PHETA1: variants seen among roughly 807,000 people sequenced by gnomAD.
The protein encoded by PHETA1 is sesquipedalian-1.
For missense variants in PHETA1, 348 were observed against 373.5 expected (o/e 0.93, Z 0.56); for synonymous variants, 155 against 168.9 (o/e 0.92, Z 0.64).
chr12:111,365,994 CCTCT>C, intron 2 of PHETA1, 115 bp downstream of exon 2: 1 of 172,326 alleles, frequency 5.8e-6, no homozygotes, highest in Admixed American at 5.8e-5. Context: ...TACAGCTGTC[CCTCT>C]CTAAGCCGCA....
At chr12:111,364,957 C>T (rs1188423173) in intron 2 of PHETA1, among the ~76,000 whole-genome samples, 6 of 152,122 alleles carry the variant, frequency 3.9e-5, no homozygotes, top group Non-Finnish European at 8.8e-5. Context: ...GGGAAAGATG[C>T]AGGCCCAGGG....
rs544643639 is a variant in PHETA1, at chr12:111,363,656, G to A, written c.-36-193C>T. ...GACAGGACTGGAACCTGGGTCTCAC[G>A]GGCCTCCCCAGACAGCCTCATAACC... On this transcript the variant is annotated intron_variant, in intron 2 of 2. Transcript: ENST00000683047. This position sits in a 1 kb window ranked among gnomAD's most constrained non-coding sequence, Gnocchi z 7.4. 9.8e-6 allele frequency: 15 copies of A among 1,534,012 alleles called. No homozygotes were observed. The highest frequency in any genetic ancestry group is 2.4e-5 in the South Asian group (2 of 83,212).
rs925270790 is a variant in PHETA1 at position 111,367,020 on chromosome 12, CAAAAAAAAAAA to C, written c.-181-774_-181-764del. Reference sequence around the variant, plus strand: ...GGGGTGACATAGTGAGATTCTGTCTCAAAAAAAAAAAAAAAAAAATCCAAGCCTCCCTTGGC... The same window carrying C: ...GGGGTGACATAGTGAGATTCTGTCTCAAAAAAAATCCAAGCCTCCCTTGGC... On this transcript the variant is annotated intron_variant, in intron 1 of 2. Transcript: ENST00000683047. The surrounding 1 kb of genome is among the most constrained non-coding windows in gnomAD (Gnocchi z 4.0). 5.5e-5 allele frequency among the ~76,000 whole-genome samples: 6 copies of C among 108,726 alleles called. No individual in the cohort carries two copies. Among genetic ancestry groups the C allele is most frequent in the Non-Finnish European group, 7.9e-5 (4 of 50,562 alleles). The allele number at this position is 108,726 out of a possible 152,430, so 71.3% of individuals were successfully genotyped here.
intron 1 of PHETA1, among the ~76,000 whole-genome samples, chr12:111,366,647 C>T (rs1417361871): frequency 6.6e-6 from 1 of 152,154 alleles, no homozygotes; most frequent in Admixed American, 6.5e-5. Context: ...AGATCCAAGC[C>T]TCCTTCCTAA....
chr12:111,366,493 C>G (rs1281489772), intron 1 of PHETA1, among the ~76,000 whole-genome samples: 1 of 152,136 alleles, frequency 6.6e-6, no homozygotes. Flanking sequence ...TCCAGTTGAT[C>G]CCCCTCTCCA....
At position 111,362,487 on chromosome 12, in the gene PHETA1, G is replaced by A. The variant is rs966678556; in HGVS notation, c.*191C>T. 1 of 1,401,342 alleles carries A rather than the reference G, an allele frequency of 7.1e-7. No individual in the cohort carries two copies. Among genetic ancestry groups the A allele is most frequent in the African/African-American group, 1.4e-5 (1 of 69,102 alleles). The allele number at this position is 1,401,342 out of a possible 1,614,324, so 86.8% of individuals were successfully genotyped here. On this transcript the variant is annotated 3_prime_UTR_variant, in exon 3 of 3. Coordinates refer to ENST00000683047, the MANE Select transcript of PHETA1 (RefSeq NM_144671.6). ...CAAGGGTAGGCCTTCTGGGTCACAT[G>A]GTCCTAAAGGCCCACTCAGAATCCA...
rs1869143376 is a variant in PHETA1, at chr12:111,368,184, AT to A, written c.-182+727del. On this transcript the variant is annotated intron_variant, in intron 1 of 2. Coordinates refer to ENST00000683047, the MANE Select transcript of PHETA1 (RefSeq NM_144671.6). This position sits in a 1 kb window ranked among gnomAD's most constrained non-coding sequence, Gnocchi z 5.0. ...TGAGTGAATTGACTCCTGAAGAGTCATTTTGCAAAATACTTGGTGGGTAGTG... is the reference window on the plus strand; with the variant it reads ...TGAGTGAATTGACTCCTGAAGAGTCATTTGCAAAATACTTGGTGGGTAGTG... 6.6e-6 allele frequency among the ~76,000 whole-genome samples: 1 copy of A among 152,180 alleles called. No individual in the cohort carries two copies. Among genetic ancestry groups the A allele is most frequent in the African/African-American group, 2.4e-5 (1 of 41,444 alleles).
Position 111,362,158 on chromosome 12 carries a change from CACAGAGCCAGG to C in PHETA1, c.*509_*519del, listed in dbSNP as rs1173240856. On this transcript the variant is annotated 3_prime_UTR_variant, in exon 3 of 3. Transcript: ENST00000683047. The stretch of plus-strand genomic sequence containing the variant: ...CGTCCTGCTCCTGGAGGCAGGCAGG[CACAGAGCCAGG>C]CCAGCTCCTCTGGCAGGTCCCGGAG... 2.6e-6 allele frequency: 1 copy of C among 377,464 alleles called. No homozygotes were observed. Among genetic ancestry groups the C allele is most frequent in the East Asian group, 7.2e-5 (1 of 13,794 alleles). 23.4% of individuals were successfully genotyped at this position (377,464 alleles called of 1,614,324 possible).
intron 2 of PHETA1, chr12:111,365,743 C>A: frequency 1.8e-5 from 5 of 271,990 alleles, no homozygotes; most frequent in Middle Eastern, 1.4e-3. Flanking sequence ...AGGGGCAGAA[C>A]ACATATCGGG....
In PHETA1 at chr12:111,367,989, T is replaced by G. The variant is rs1335504856; in HGVS notation, c.-182+923A>C. ...GTCGTTTCACCTTTCCAAGTCTCAG[T>G]GTCCTCATCTGTTAAATTGGGCTGT... is the stretch of plus-strand genomic sequence containing the variant. On this transcript the variant is annotated intron_variant, in intron 1 of 2. Transcript: ENST00000683047. This position sits in a 1 kb window ranked among gnomAD's most constrained non-coding sequence, Gnocchi z 4.0. 6.6e-6 allele frequency among the ~76,000 whole-genome samples: 1 copy of G among 152,216 alleles called. No homozygotes were observed. The highest frequency in any genetic ancestry group is 1.5e-5 in the Non-Finnish European group (1 of 68,040).
At position 111,362,935 on chromosome 12, in the gene PHETA1, C is replaced by T; in HGVS notation, c.493G>A (p.Ala165Thr). 3 of 1,481,100 alleles carry T rather than the reference C, an allele frequency of 2.0e-6. No homozygotes were observed. Among genetic ancestry groups the T allele is most frequent in the South Asian group, 2.7e-5 (2 of 75,306 alleles). The allele number at this position is 1,481,100 out of a possible 1,614,324, so 91.7% of individuals were successfully genotyped here. A position where few individuals can be genotyped will look rare whatever the true frequency, so the allele number is the denominator to read the frequency against. ...ALAPVPSLPS[A>T]PAPVPALPLP... The stretch of plus-strand genomic sequence containing the variant: ...GGCAGGGCTGGGACCGGGGCTGGGG[C>T]AGAAGGCAGGGATGGGACTGGGGCC... The change falls in exon 3 of 3, where the codon GCC becomes ACC. Residue 165 changes from alanine (A) to threonine (T), a missense_variant. By Grantham distance (58) the Ala-to-Thr change is moderately conservative (BLOSUM62 0). Transcript: ENST00000683047.
intron 2 of PHETA1, among the ~76,000 whole-genome samples, chr12:111,364,331 T>C (rs1344570194): frequency 7.0e-6 from 1 of 143,102 alleles, no homozygotes; most frequent in Non-Finnish European, 1.5e-5. Context: ...CGGGCAATAA[T>C]GTGACACTCT....
At position 111,362,792 on chromosome 12, in the gene PHETA1, G is replaced by C; in HGVS notation, c.636C>G (p.Ala212=). The C allele has an allele frequency of 3.2e-6, 5 of 1,539,462 alleles. No individual in the cohort carries two copies. The highest frequency in any genetic ancestry group is 4.4e-6 in the Non-Finnish European group (5 of 1,145,236). Residue 212 remains alanine, a synonymous_variant, in exon 3 of 3, where the codon GCC becomes GCG. Transcript: ENST00000683047. ...TGTCCAGGGGCCCGTGGGGTGCCGA[G>C]GCCCGGCGGCGAGGCGGTGGTGGAG... ...EPPPPPPRRR[A]SAPHGPLDMA... is the part of the protein sequence containing the mutation.
At position 111,368,121 on chromosome 12, in the gene PHETA1, T is replaced by G. The variant is rs1292940103; in HGVS notation, c.-182+791A>C. ...GTCGGAGTTTTTTCTCAGCCTCATC[T>G]GCAAAATGGTGACGTTAACTTCCAT... On this transcript the variant is annotated intron_variant, in intron 1 of 2. Transcript: ENST00000683047. The surrounding 1 kb of genome is among the most constrained non-coding windows in gnomAD (Gnocchi z 5.0). 2.0e-5 allele frequency among the ~76,000 whole-genome samples: 3 copies of G among 152,264 alleles called. No homozygotes were observed.
chr12:111,368,013 G>A lies in PHETA1; in HGVS notation c.-182+899C>T, dbSNP rs1029802370. Among the ~76,000 whole-genome samples the A allele has an allele frequency of 1.3e-5, 2 of 152,228 alleles. No individual in the cohort carries two copies. Among genetic ancestry groups the A allele is most frequent in the Non-Finnish European group, 2.9e-5 (2 of 68,040 alleles). The stretch of plus-strand genomic sequence containing the variant: ...GTGTCCTCATCTGTTAAATTGGGCT[G>A]TGTGGCGAGGGTTCATGAGCTAAAA... On this transcript the variant is annotated intron_variant, in intron 1 of 2. Coordinates refer to ENST00000683047, the MANE Select transcript of PHETA1 (RefSeq NM_144671.6). The surrounding 1 kb of genome is among the most constrained non-coding windows in gnomAD (Gnocchi z 5.0).
In PHETA1 at chr12:111,363,785, A is replaced by G; in HGVS notation, c.-36-322T>C. Reference sequence around the variant, plus strand: ...TATCTCACAATAGACCTTAGGTCACAGGGACTGGCCTGGCACCAGTGCAAC... The same window carrying G: ...TATCTCACAATAGACCTTAGGTCACGGGGACTGGCCTGGCACCAGTGCAAC... On this transcript the variant is annotated intron_variant, in intron 2 of 2. Coordinates refer to ENST00000683047, the MANE Select transcript of PHETA1 (RefSeq NM_144671.6). The surrounding 1 kb of genome is among the most constrained non-coding windows in gnomAD (Gnocchi z 7.4). The G allele has an allele frequency of 7.3e-7, 1 of 1,362,282 alleles. No individual in the cohort carries two copies. The highest frequency in any genetic ancestry group is 9.7e-7 in the Non-Finnish European group (1 of 1,033,520). The allele number at this position is 1,362,282 out of a possible 1,614,324, so 84.4% of individuals were successfully genotyped here.
intron 2 of PHETA1, chr12:111,365,418 T>A (rs1035665994): frequency 2.0e-5 from 9 of 449,898 alleles, no homozygotes; most frequent in Non-Finnish European, 4.0e-5. Context: ...GAGGGGGTTG[T>A]CCTTGCCACC....
At chr12:111,364,294 C>T (rs1868886357) in intron 2 of PHETA1, among the ~76,000 whole-genome samples, 1 of 151,034 alleles carries the variant, frequency 6.6e-6, no homozygotes, top group Non-Finnish European at 1.5e-5. Flanking sequence ...TTGCAGTGAG[C>T]CGAGATTATG....
Position 111,362,242 on chromosome 12 carries a change from C to T in PHETA1, c.*436G>A. 2.7e-6 allele frequency: 1 copy of T among 370,578 alleles called. No homozygotes were observed. 23.0% of individuals were successfully genotyped at this position (370,578 alleles called of 1,614,324 possible). ...TGCCATGACCGATCCTCCCTCTGTC[C>T]ACCCTGAAGGCCTGGTCAGGAGCTG... On this transcript the variant is annotated 3_prime_UTR_variant, in exon 3 of 3. Coordinates refer to ENST00000683047, the MANE Select transcript of PHETA1 (RefSeq NM_144671.6).
Sources: gnomAD v4.1 joint callset for allele counts (sites outside exome capture counted in the v4.1 genomes callset) on GRCh38, gnomAD v4.1.1 for gene constraint, Gnocchi (gnomAD v3.1) non-coding constraint, MANE v1.5 for transcripts, NCBI Gene and HGNC (gene_info 2026-07-23, HGNC 2026-07-21) for gene names.